The following UMAD1 variants were observed in gnomAD, a reference collection of about 807,000 sequenced individuals.
The protein encoded by UMAD1 is UBAP1-MVB12-associated (UMA) domain containing 1.
In UMAD1, 8 loss-of-function variants were observed where a neutral mutation model predicts 6.1. The ratio of observed to expected loss-of-function variants is 1.30; its 90% CI spans 0.76 to 2.35. The LOEUF (loss-of-function observed/expected upper bound fraction) is 2.35, where lower values mean the gene tolerates loss of function less well. Among genes scored for constraint, UMAD1 ranks in the 30% most tolerant of loss-of-function variants. The pLI is 0.00. For synonymous variants in UMAD1, 56 were observed against 31.4 expected (o/e 1.78, Z -2.61); for missense variants, 130 against 78.4 (o/e 1.66, Z -2.49).
chr7:7,652,317 G>T (rs965751537), intron 1 of UMAD1, among the ~76,000 whole-genome samples: 2 of 152,150 alleles, frequency 1.3e-5, no homozygotes, highest in African/African-American at 4.8e-5. Flanking sequence ...CATGCAGTTC[G>T]TGGAAGTTTG....
At chr7:7,852,730 C>T (rs771321104) in intron 3 of UMAD1, among the ~76,000 whole-genome samples, 14 of 152,182 alleles carry the variant, frequency 9.2e-5, no homozygotes, top group Non-Finnish European at 1.9e-4. Flanking sequence ...TTCCTGTCAG[C>T]CTCCACATAT....
intron 3 of UMAD1, among the ~76,000 whole-genome samples, chr7:7,804,609 G>A (rs1235947383): frequency 3.3e-5 from 5 of 152,130 alleles, no homozygotes; most frequent in Admixed American, 2.6e-4. Flanking sequence ...GGAGGCGGAG[G>A]TTGCAGTGAG....
At chr7:7,716,993 C>T (rs1256841795) in intron 2 of UMAD1, among the ~76,000 whole-genome samples, 2 of 152,010 alleles carry the variant, frequency 1.3e-5, no homozygotes, top group Non-Finnish European at 2.9e-5. Context: ...GAAACCCGTT[C>T]GGGACCCCTT....
At chr7:7,807,322 G>C (rs190215247) in intron 3 of UMAD1, among the ~76,000 whole-genome samples, 17 of 152,126 alleles carry the variant, frequency 1.1e-4, no homozygotes, top group African/African-American at 3.4e-4. Flanking sequence ...AGAAGTTCCT[G>C]GGAAATGAAA....
intron 2 of UMAD1, among the ~76,000 whole-genome samples, chr7:7,710,450 A>C (rs73352722): frequency 0.013 from 1,987 of 152,326 alleles, 45 homozygotes; most frequent in African/African-American, 0.046. Context: ...TACATATGGC[A>C]AATAAGCACA....
intron 3 of UMAD1, among the ~76,000 whole-genome samples, chr7:7,856,482 A>G (rs1583876168): frequency 6.6e-6 from 1 of 152,202 alleles, no homozygotes; most frequent in Non-Finnish European, 1.5e-5. Context: ...AACCACCCCA[A>G]TGATTCAATT....
intron 3 of UMAD1, among the ~76,000 whole-genome samples, chr7:7,828,663 C>T (rs1002267299): frequency 1.3e-5 from 2 of 152,174 alleles, no homozygotes; most frequent in African/African-American, 2.4e-5. Context: ...TAGCTCTTGA[C>T]CTGTCTTGCA....
At chr7:7,689,207 A>C (rs1256174009) in intron 2 of UMAD1, 1 of 152,218 alleles carries the variant, frequency 6.6e-6, no homozygotes, top group Non-Finnish European at 1.5e-5. Context: ...TGCGACATGA[A>C]GGAAGATCAA....
chr7:7,714,604 A>C (rs1780845764), intron 2 of UMAD1, among the ~76,000 whole-genome samples: 1 of 152,182 alleles, frequency 6.6e-6, no homozygotes, highest in South Asian at 2.1e-4. Flanking sequence ...ATATCTTTAA[A>C]TTCTCATTTG....
intron 3 of UMAD1, among the ~76,000 whole-genome samples, chr7:7,815,785 C>T (rs188981016): frequency 1.3e-5 from 2 of 152,256 alleles, no homozygotes; most frequent in Admixed American, 6.5e-5. Context: ...TACTTTGCTA[C>T]TACCCCCAGA....
At chr7:7,734,626 C>G (rs114867172) in intron 2 of UMAD1, among the ~76,000 whole-genome samples, 54 of 152,238 alleles carry the variant, frequency 3.5e-4, no homozygotes, top group African/African-American at 1.2e-3. Context: ...CTCAAGATCA[C>G]AAGGAATTTT....
chr7:7,844,410 C>A (rs1045067677), intron 3 of UMAD1, among the ~76,000 whole-genome samples: 2 of 152,064 alleles, frequency 1.3e-5, no homozygotes, highest in African/African-American at 4.8e-5. Flanking sequence ...TTAAAGTGTC[C>A]TACCTAGTTA....
chr7:7,816,075 T>TA (rs1310575468), intron 3 of UMAD1, among the ~76,000 whole-genome samples: 1 of 152,152 alleles, frequency 6.6e-6, no homozygotes, highest in African/African-American at 2.4e-5. Flanking sequence ...ACAATGCTGG[T>TA]AGGACCTTTA....
intron 2 of UMAD1, among the ~76,000 whole-genome samples, chr7:7,739,215 C>T (rs1781415284): frequency 6.6e-6 from 1 of 152,204 alleles, no homozygotes; most frequent in South Asian, 2.1e-4. Flanking sequence ...CAGATGAGTA[C>T]ACGTAAATAC....
intron 2 of UMAD1, among the ~76,000 whole-genome samples, chr7:7,708,910 T>G (rs1780677476): frequency 1.3e-5 from 2 of 151,600 alleles, no homozygotes. Context: ...AAGGGGTGTG[T>G]GTTTGTGTTT....
At chr7:7,803,958 TAGAA>T (rs1782855668) in intron 3 of UMAD1, among the ~76,000 whole-genome samples, 1 of 152,228 alleles carries the variant, frequency 6.6e-6, no homozygotes, top group Non-Finnish European at 1.5e-5. Flanking sequence ...GATTCATTGA[TAGAA>T]AGAATTCCAA....
chr7:7,712,653 T>G (rs1298198711), intron 2 of UMAD1, among the ~76,000 whole-genome samples: 1 of 152,208 alleles, frequency 6.6e-6, no homozygotes, highest in African/African-American at 2.4e-5. Flanking sequence ...ATTCAAATCC[T>G]TGTGGTTTCA....
At chr7:7,770,626 C>A (rs552771140) in intron 2 of UMAD1, among the ~76,000 whole-genome samples, 2 of 152,138 alleles carry the variant, frequency 1.3e-5, no homozygotes, top group South Asian at 4.1e-4. Context: ...GTTTGAAAGG[C>A]ATCTAGGAGG....
intron 1 of UMAD1, among the ~76,000 whole-genome samples, chr7:7,658,495 A>T (rs111727497): frequency 0.069 from 10,493 of 152,186 alleles, 392 homozygotes; most frequent in Admixed American, 0.11. Flanking sequence ...ATCAATACCT[A>T]GTTTTTTGAG....
Sources: gnomAD v4.1 joint callset for allele counts (sites outside exome capture counted in the v4.1 genomes callset) on GRCh38, gnomAD v4.1.1 for gene constraint, MANE v1.5 for transcripts, NCBI Gene and HGNC (gene_info 2026-07-23, HGNC 2026-07-21) for gene names.